Variants in LRMDA observed in about 807,000 individuals in gnomAD.
LRMDA encodes leucine rich melanocyte differentiation associated, also known as leucine-rich melanocyte differentiation-associated protein.
A neutral mutation model predicts 29.8 loss-of-function variants in LRMDA; 18 were observed. The observed-to-expected ratio is 0.60, with a 90% CI of 0.42 to 0.90. The LOEUF is 0.90. LRMDA is among the 40% of genes least tolerant of loss of function. The pLI, the probability that LRMDA is intolerant of heterozygous loss-of-function variation, is 0.00. For missense variants in LRMDA, 273 were observed against 273.9 expected (o/e 1.00, Z 0.02); for synonymous variants, 125 against 109.4 (o/e 1.14, Z -0.89).
At chr10:76,152,244 G>T (rs557759274) in intron 5 of LRMDA, among the ~76,000 whole-genome samples, 2 of 152,200 alleles carry the variant, frequency 1.3e-5, no homozygotes, top group African/African-American at 4.8e-5. Flanking sequence ...CCTATTCTTG[G>T]CATTTTATAC....
intron 2 of LRMDA, among the ~76,000 whole-genome samples, chr10:75,610,621 T>C (rs557652802): frequency 6.6e-6 from 1 of 152,316 alleles, no homozygotes; most frequent in Admixed American, 6.5e-5. Flanking sequence ...ACTGTGATCA[T>C]GGCCAGAGAC....
intron 2 of LRMDA, among the ~76,000 whole-genome samples, chr10:75,801,425 A>G (rs1397513324): frequency 6.6e-6 from 1 of 152,238 alleles, no homozygotes; most frequent in Non-Finnish European, 1.5e-5. Context: ...CCATTTAAAC[A>G]TAGATATCAC....
intron 2 of LRMDA, among the ~76,000 whole-genome samples, chr10:75,831,625 G>A (rs1844346857): frequency 6.6e-6 from 1 of 152,142 alleles, no homozygotes; most frequent in African/African-American, 2.4e-5. Flanking sequence ...GCCTCAGTAG[G>A]GACTCTGTGT....
chr10:76,139,066 C>T (rs989842396), intron 5 of LRMDA, among the ~76,000 whole-genome samples: 1 of 152,136 alleles, frequency 6.6e-6, no homozygotes, highest in Non-Finnish European at 1.5e-5. Flanking sequence ...ATGCTGTATT[C>T]CTTTGCTGCC....
intron 6 of LRMDA, among the ~76,000 whole-genome samples, chr10:76,390,268 A>T (rs1841706851): frequency 6.6e-6 from 1 of 152,162 alleles, no homozygotes; most frequent in East Asian, 1.9e-4. Flanking sequence ...TGTGCTCATT[A>T]GCCATTTGTA....
At chr10:76,458,820 T>C (rs1256613830) in intron 6 of LRMDA, among the ~76,000 whole-genome samples, 1 of 152,008 alleles carries the variant, frequency 6.6e-6, no homozygotes, top group Non-Finnish European at 1.5e-5. Flanking sequence ...GTAGGCATCT[T>C]AGGAAACTTT....
At chr10:76,404,995 G>A (rs574642326) in intron 6 of LRMDA, among the ~76,000 whole-genome samples, 2 of 152,268 alleles carry the variant, frequency 1.3e-5, no homozygotes, top group South Asian at 4.1e-4. Context: ...AAGGCAAAAG[G>A]AAATGATTTT....
intron 2 of LRMDA, among the ~76,000 whole-genome samples, chr10:75,995,011 G>A (rs1847436397): frequency 6.6e-6 from 1 of 151,888 alleles, no homozygotes; most frequent in Non-Finnish European, 1.5e-5. Flanking sequence ...TTATCTGGGT[G>A]GTTTTTCCAT....
chr10:75,532,960 G>A (rs573532698), intron 2 of LRMDA, among the ~76,000 whole-genome samples: 4 of 152,232 alleles, frequency 2.6e-5, no homozygotes, highest in South Asian at 2.1e-4. Flanking sequence ...TCACTCTCTC[G>A]TGGGAGTGAC....
chr10:75,890,180 G>C (rs1170877207), intron 2 of LRMDA, among the ~76,000 whole-genome samples: 1 of 152,188 alleles, frequency 6.6e-6, no homozygotes, highest in African/African-American at 2.4e-5. Context: ...TGGTGTTAAT[G>C]AGGATTCCCT....
chr10:75,457,650 T>A (rs936551223), intron 2 of LRMDA, among the ~76,000 whole-genome samples: 1 of 152,232 alleles, frequency 6.6e-6, no homozygotes, highest in Non-Finnish European at 1.5e-5. Context: ...TAGGTTAAGT[T>A]TTATTGTCCT....
At chr10:75,913,455 T>TG (rs945364894) in intron 2 of LRMDA, among the ~76,000 whole-genome samples, 1 of 152,080 alleles carries the variant, frequency 6.6e-6, no homozygotes, top group Admixed American at 6.5e-5. Flanking sequence ...GACTCCGTCT[T>TG]GGGGGGAAAA....
chr10:75,447,506 AC>A (rs1844409176), intron 2 of LRMDA, among the ~76,000 whole-genome samples: 1 of 152,222 alleles, frequency 6.6e-6, no homozygotes, highest in African/African-American at 2.4e-5. Flanking sequence ...AGCCTGGGCA[AC>A]AAAGCAAGAC....
At chr10:75,890,137 G>A (rs1322593732) in intron 2 of LRMDA, among the ~76,000 whole-genome samples, 1 of 152,194 alleles carries the variant, frequency 6.6e-6, no homozygotes, top group Admixed American at 6.5e-5. Flanking sequence ...TGAGATGGAA[G>A]GGACATTGCA....
chr10:75,604,118 C>T (rs1376421902), intron 2 of LRMDA, among the ~76,000 whole-genome samples: 1 of 152,100 alleles, frequency 6.6e-6, no homozygotes, highest in Non-Finnish European at 1.5e-5. Flanking sequence ...TGCCTTTAAT[C>T]TTAAAATTCA....
At chr10:75,447,929 A>T (rs1330205700) in intron 2 of LRMDA, among the ~76,000 whole-genome samples, 1 of 152,178 alleles carries the variant, frequency 6.6e-6, no homozygotes, top group East Asian at 1.9e-4. Context: ...AAGGGAGGGA[A>T]GAGCACTAAG....
chr10:76,259,199 GTTTCC>G (rs1418612670), intron 5 of LRMDA, among the ~76,000 whole-genome samples: 2 of 151,832 alleles, frequency 1.3e-5, no homozygotes, highest in African/African-American at 4.8e-5. Context: ...TTTGATTTAC[GTTTCC>G]TTGATGATTA....
Position 75,859,648 on chromosome 10 carries a change from T to C in LRMDA, c.132-176360T>C, listed in dbSNP as rs3042511. The stretch of plus-strand genomic sequence containing the variant: ...ACACACACACACACACACACACACA[T>C]ACATCTGGCCTCGATGCCTCATACA... On this transcript the variant is annotated intron_variant, in intron 2 of 6. Transcript: ENST00000611255. Among the ~76,000 whole-genome samples the C allele has an allele frequency of 4.6e-3, 435 of 95,468 alleles. 6 individuals are homozygous for C. The highest frequency in any genetic ancestry group is 0.016 in the African/African-American group (305 of 18,574). The allele number at this position is 95,468 out of a possible 152,430, so 62.6% of individuals were successfully genotyped here. A position where few individuals can be genotyped will look rare whatever the true frequency, so the allele number is the denominator to read the frequency against.
intron 2 of LRMDA, chr10:75,451,697 A>G (rs1844463597): frequency 2.0e-5 from 3 of 152,132 alleles, no homozygotes; most frequent in African/African-American, 7.2e-5. Flanking sequence ...GACTTACTAC[A>G]CTTCATCCCC....
Sources: gnomAD v4.1 joint callset for allele counts (sites outside exome capture counted in the v4.1 genomes callset) on GRCh38, gnomAD v4.1.1 for gene constraint, MANE v1.5 for transcripts, NCBI Gene and HGNC (gene_info 2026-07-23, HGNC 2026-07-21) for gene names.